ABHD17C: variants seen among roughly 807,000 people sequenced by gnomAD.
ABHD17C encodes abhydrolase domain containing 17C, depalmitoylase.
In ABHD17C, 11 loss-of-function variants were observed where a neutral mutation model predicts 27.9. The ratio of observed to expected loss-of-function variants is 0.39; its 90% CI spans 0.25 to 0.65. The LOEUF is 0.65. Ranked by LOEUF, ABHD17C falls within the 30% of genes least tolerant of loss-of-function variation. The pLI is 0.45. For synonymous variants in ABHD17C, 233 were observed against 209.1 expected, an observed-to-expected ratio of 1.11 and a Z score of -0.98; for missense variants, 280 against 470.2, an observed-to-expected ratio of 0.60 and a Z score of 3.74.
intron 1 of ABHD17C, among the ~76,000 whole-genome samples, chr15:80,739,835 TC>T (rs1895183032): frequency 6.8e-6 from 1 of 146,352 alleles, no homozygotes; most frequent in African/African-American, 2.5e-5. Context: ...TTTGGGTATT[TC>T]CTTGAATTTA....
At chr15:80,713,785 A>G (rs1894763133) in intron 1 of ABHD17C, among the ~76,000 whole-genome samples, 2 of 151,696 alleles carry the variant, frequency 1.3e-5, no homozygotes, top group African/African-American at 4.8e-5. Context: ...CTCCAGCCTG[A>G]GTGACAGAGC....
intron 1 of ABHD17C, among the ~76,000 whole-genome samples, chr15:80,696,814 G>A (rs1596056327): frequency 6.6e-6 from 1 of 152,164 alleles, no homozygotes; most frequent in African/African-American, 2.4e-5. Flanking sequence ...TTTATAACAA[G>A]CAAACCAAAA....
At chr15:80,727,256 T>A in intron 1 of ABHD17C, among the ~76,000 whole-genome samples, 1 of 152,156 alleles carries the variant, frequency 6.6e-6, no homozygotes. Flanking sequence ...AGTAGTTTAG[T>A]GCATTTAAGC....
At chr15:80,715,682 G>A (rs958491867) in intron 1 of ABHD17C, among the ~76,000 whole-genome samples, 1 of 152,166 alleles carries the variant, frequency 6.6e-6, no homozygotes, top group Non-Finnish European at 1.5e-5. Flanking sequence ...GCGCTTTCAC[G>A]TACACTCTCT....
intron 1 of ABHD17C, among the ~76,000 whole-genome samples, chr15:80,713,900 CCACACACACACACA>C (rs58311304): frequency 3.5e-5 from 5 of 141,144 alleles, no homozygotes; most frequent in Admixed American, 1.4e-4. Flanking sequence ...CATATACAGA[CCACACACACACACA>C]CACACACACA....
chr15:80,696,171 T>C (rs1193088078), intron 1 of ABHD17C, among the ~76,000 whole-genome samples, 152 bp downstream of exon 1: 1 of 152,208 alleles, frequency 6.6e-6, no homozygotes, highest in Non-Finnish European at 1.5e-5. Flanking sequence ...TAAATTCGCT[T>C]TTCTTGTCCC....
chr15:80,726,501 G>T (rs1327131287), intron 1 of ABHD17C, among the ~76,000 whole-genome samples: 7 of 94,498 alleles, frequency 7.4e-5, no homozygotes, highest in Middle Eastern at 5.1e-3. Flanking sequence ...TCTTTTTCTG[G>T]TTTTTTTTTT....
Position 80,695,427 on chromosome 15 carries a change from C to T in ABHD17C, c.-3C>T. Reference sequence around the variant, plus strand: ...GGCCGGCGGCGGGCACCAGGCCGTCCCGATGCCCGAGCCAGGCCCCAGGAT... The same window carrying T: ...GGCCGGCGGCGGGCACCAGGCCGTCTCGATGCCCGAGCCAGGCCCCAGGAT... On this transcript the variant is annotated 5_prime_UTR_variant, in exon 1 of 3. Transcript: ENST00000258884. The surrounding 1 kb of genome is among the most constrained non-coding windows in gnomAD (Gnocchi z 4.3). 7.6e-7 allele frequency: 1 copy of T among 1,321,224 alleles called. No homozygotes were observed. Among genetic ancestry groups the T allele is most frequent in the African/African-American group, 1.6e-5 (1 of 64,082 alleles). The allele number at this position is 1,321,224 out of a possible 1,614,324, so 81.8% of individuals were successfully genotyped here.
rs142280524 is a variant in ABHD17C, at chr15:80,726,365, G to C, written c.591-23148G>C. ...GGCCAGTTTATGGCCAGATTTTGGG[G>C]GGCCTGCTCCCAACATTGCTGTTTT... On this transcript the variant is annotated intron_variant, in intron 1 of 2. Transcript: ENST00000258884. Among the ~76,000 whole-genome samples, 870 of 152,246 alleles carry C rather than the reference G, an allele frequency of 5.7e-3. 8 individuals are homozygous for C. The highest frequency in any genetic ancestry group is 0.02 in the African/African-American group (825 of 41,538).
chr15:80,714,191 A>G (rs1027420457), intron 1 of ABHD17C, among the ~76,000 whole-genome samples: 4 of 152,076 alleles, frequency 2.6e-5, no homozygotes, highest in African/African-American at 9.7e-5. Flanking sequence ...TCTGGGCTCG[A>G]GCAGTCTGCT....
At chr15:80,713,128 CAAA>C (rs1384006998) in intron 1 of ABHD17C, among the ~76,000 whole-genome samples, 1 of 150,650 alleles carries the variant, frequency 6.6e-6, no homozygotes, top group African/African-American at 2.4e-5. Context: ...TTGGAATGTA[CAAA>C]TCATAGCTCT....
At chr15:80,700,723 A>G (rs1412113757) in intron 1 of ABHD17C, among the ~76,000 whole-genome samples, 2 of 151,802 alleles carry the variant, frequency 1.3e-5, no homozygotes, top group South Asian at 2.1e-4. Flanking sequence ...CATAGTTGGG[A>G]CCCCCATCTC....
rs558007678 is a variant in ABHD17C at position 80,701,064 on chromosome 15, A to C, written c.590+5045A>C. ...GATTTCAGAGGCATTTTGAATACGTAACTATGATTTGCTGTTTTATAACTT... is the reference window on the plus strand; with the variant it reads ...GATTTCAGAGGCATTTTGAATACGTCACTATGATTTGCTGTTTTATAACTT... On this transcript the variant is annotated intron_variant, in intron 1 of 2. Transcript: ENST00000258884. Among the ~76,000 whole-genome samples the C allele has an allele frequency of 3.3e-5, 5 of 152,346 alleles. No homozygotes were observed. The South Asian group carries it at 1.0e-3, about 32-fold the overall frequency.
At chr15:80,747,980 A>C (rs1259544765) in intron 1 of ABHD17C, among the ~76,000 whole-genome samples, 1 of 152,090 alleles carries the variant, frequency 6.6e-6, no homozygotes, top group Non-Finnish European at 1.5e-5. Flanking sequence ...ATCCTAGCAC[A>C]TCCCCTGCCG....
At chr15:80,752,117 G>A (rs1390313162) in intron 2 of ABHD17C, among the ~76,000 whole-genome samples, 1 of 152,234 alleles carries the variant, frequency 6.6e-6, no homozygotes. Flanking sequence ...CCAGGCAGTA[G>A]AGATTCTCCT....
chr15:80,724,739 A>G (rs946329819), intron 1 of ABHD17C, among the ~76,000 whole-genome samples: 1 of 152,088 alleles, frequency 6.6e-6, no homozygotes, highest in Non-Finnish European at 1.5e-5. Context: ...AGTAACCTGC[A>G]GTGCTGTTTT....
intron 1 of ABHD17C, among the ~76,000 whole-genome samples, chr15:80,745,759 C>T (rs749277030): frequency 2.6e-5 from 4 of 152,268 alleles, no homozygotes; most frequent in South Asian, 2.1e-4. Context: ...AACCAAAAAC[C>T]GCCTGTACCC....
chr15:80,715,674 G>A lies in ABHD17C; in HGVS notation c.590+19655G>A, dbSNP rs568416847. On this transcript the variant is annotated intron_variant, in intron 1 of 2. Transcript: ENST00000258884. ...TAAATGGGTTTGTGATCTTCAAAGC[G>A]CTTTCACGTACACTCTCTTGGTTCC... Among the ~76,000 whole-genome samples, 7 of 152,290 alleles carry A rather than the reference G, an allele frequency of 4.6e-5. No individual in the cohort carries two copies. The South Asian group carries it at 6.2e-4, about 14-fold the overall frequency.
intron 1 of ABHD17C, among the ~76,000 whole-genome samples, chr15:80,712,158 C>T (rs568033929): frequency 2.6e-5 from 4 of 152,280 alleles, no homozygotes; most frequent in African/African-American, 7.2e-5. Context: ...TGGACTCCTC[C>T]GTTGGAATGT....
Sources: gnomAD v4.1 joint callset for allele counts (sites outside exome capture counted in the v4.1 genomes callset) on GRCh38, gnomAD v4.1.1 for gene constraint, Gnocchi (gnomAD v3.1) non-coding constraint, MANE v1.5 for transcripts, NCBI Gene and HGNC (gene_info 2026-07-23, HGNC 2026-07-21) for gene names.